GRM8: variants seen among roughly 807,000 people sequenced by gnomAD.
The protein encoded by GRM8 is glutamate metabotropic receptor 8, also known as metabotropic glutamate receptor 8.
A neutral mutation model predicts 87.2 loss-of-function variants in GRM8; 47 were observed. That is an observed-to-expected ratio of 0.54 (90% CI 0.43 to 0.69). GRM8 has a LOEUF of 0.69. GRM8 is among the 30% of genes least tolerant of loss of function. GRM8 has a pLI of 0.00. For synonymous variants in GRM8, 396 were observed against 404.5 expected (o/e 0.98, Z 0.25); for missense variants, 1,019 against 1,139.2 (o/e 0.89, Z 1.52).
intron 7 of GRM8, among the ~76,000 whole-genome samples, chr7:126,729,565 G>C (rs571419867): frequency 6.6e-6 from 1 of 152,254 alleles, no homozygotes; most frequent in East Asian, 1.9e-4. Context: ...CAGCACTGGG[G>C]AAGTAGCAAG....
In GRM8 at chr7:126,974,411, C is replaced by T. The variant is rs892037506; in HGVS notation, c.728-69728G>A. ...TTAGTTTGCTTCACTATAGTAAACA[C>T]CTTACTGTCTACATGTATCCCATAA... On this transcript the variant is annotated intron_variant, in intron 3 of 10. Coordinates refer to ENST00000339582, the MANE Select transcript of GRM8 (RefSeq NM_000845.3). 5.9e-5 allele frequency among the ~76,000 whole-genome samples: 9 copies of T among 152,110 alleles called. No homozygotes were observed. The East Asian group carries it at 1.5e-3, about 26-fold the overall frequency.
In GRM8 at chr7:126,906,373, T is replaced by C. The variant is rs568973957; in HGVS notation, c.728-1690A>G. The stretch of plus-strand genomic sequence containing the variant: ...CTCTGTCACCCAGGCTAGAGTGCAG[T>C]GGCCAGATCATAGTTCACTGTAGCC... On this transcript the variant is annotated intron_variant, in intron 3 of 10. Coordinates refer to ENST00000339582, the MANE Select transcript of GRM8 (RefSeq NM_000845.3). Among the ~76,000 whole-genome samples, 5 of 152,286 alleles carry C rather than the reference T, an allele frequency of 3.3e-5. No homozygotes were observed. The South Asian group carries it at 1.0e-3, about 32-fold the overall frequency.
At chr7:126,678,057 C>A (rs1218647476) in intron 7 of GRM8, among the ~76,000 whole-genome samples, 1 of 152,150 alleles carries the variant, frequency 6.6e-6, no homozygotes, top group Non-Finnish European at 1.5e-5. Context: ...TCGCTTAGTG[C>A]AGATCAATTA....
chr7:127,209,979 G>C (rs973755301), intron 2 of GRM8, among the ~76,000 whole-genome samples: 2 of 152,092 alleles, frequency 1.3e-5, no homozygotes, highest in African/African-American at 2.4e-5. Context: ...AACCTAGGAG[G>C]CTCTCGTGTC....
intron 2 of GRM8, among the ~76,000 whole-genome samples, chr7:127,117,189 C>T (rs543377809): frequency 6.6e-6 from 1 of 152,294 alleles, no homozygotes; most frequent in African/African-American, 2.4e-5. Context: ...CTTCTTTGTA[C>T]TCAGGCAGTG....
At chr7:127,108,458 A>G (rs1374233320) in intron 2 of GRM8, among the ~76,000 whole-genome samples, 1 of 152,156 alleles carries the variant, frequency 6.6e-6, no homozygotes, top group African/African-American at 2.4e-5. Flanking sequence ...TGTGGGGGGA[A>G]GGGAATAGGG....
intron 3 of GRM8, among the ~76,000 whole-genome samples, chr7:127,012,233 C>A (rs936563725): frequency 6.6e-6 from 1 of 152,072 alleles, no homozygotes; most frequent in African/African-American, 2.4e-5. Context: ...ATAACCCAGG[C>A]CTAGGTTTCC....
chr7:126,981,696 A>T (rs568544921), intron 3 of GRM8: 126 of 152,286 alleles, frequency 8.3e-4, no homozygotes, highest in African/African-American at 2.9e-3. Flanking sequence ...GGAGGGAAAA[A>T]ATATTTAAAC....
chr7:126,643,799 C>T (rs1035104148), intron 7 of GRM8, among the ~76,000 whole-genome samples: 1 of 152,214 alleles, frequency 6.6e-6, no homozygotes, highest in African/African-American at 2.4e-5. Context: ...GTATTCTTCC[C>T]TATGCTTCAA....
intron 3 of GRM8, among the ~76,000 whole-genome samples, chr7:126,911,336 C>T (rs575808598): frequency 6.6e-6 from 1 of 151,752 alleles, no homozygotes; most frequent in Admixed American, 6.6e-5. Context: ...TTCTCCCATC[C>T]CCCAGTTCCT....
intron 3 of GRM8, among the ~76,000 whole-genome samples, chr7:127,056,351 T>A (rs1819986677): frequency 6.6e-6 from 1 of 152,164 alleles, no homozygotes; most frequent in Admixed American, 6.5e-5. Flanking sequence ...AAACAGGCCA[T>A]AAACTGTAGA....
chr7:126,456,141 T>C (rs560487640), intron 9 of GRM8, among the ~76,000 whole-genome samples: 4 of 151,742 alleles, frequency 2.6e-5, no homozygotes, highest in South Asian at 4.2e-4. Flanking sequence ...CTTCTGAGAA[T>C]AACTATAAAA....
At chr7:126,752,568 A>G (rs1027619073) in intron 7 of GRM8, among the ~76,000 whole-genome samples, 1 of 152,136 alleles carries the variant, frequency 6.6e-6, no homozygotes, top group East Asian at 1.9e-4. Flanking sequence ...GAGAATAGCC[A>G]TAAGGATTTC....
At chr7:126,757,937 T>C (rs140912475) in intron 7 of GRM8, among the ~76,000 whole-genome samples, 13 of 152,194 alleles carry the variant, frequency 8.5e-5, no homozygotes, top group African/African-American at 3.1e-4. Context: ...AAGGTTCTAA[T>C]AAGAAATCAA....
chr7:126,707,637 G>A (rs905741285), intron 7 of GRM8, among the ~76,000 whole-genome samples: 1 of 152,060 alleles, frequency 6.6e-6, no homozygotes, highest in Admixed American at 6.6e-5. Flanking sequence ...ATGGTCAACT[G>A]ATACTCAACA....
chr7:126,496,826 T>C (rs2150671289), intron 9 of GRM8, among the ~76,000 whole-genome samples: 1 of 151,916 alleles, frequency 6.6e-6, no homozygotes, highest in African/African-American at 2.4e-5. Context: ...TCTCACATTG[T>C]TCCTCACAAA....
At chr7:126,594,042 G>T (rs776587826) in intron 8 of GRM8, among the ~76,000 whole-genome samples, 9 of 151,978 alleles carry the variant, frequency 5.9e-5, no homozygotes, top group Non-Finnish European at 1.3e-4. Flanking sequence ...AAACCATAAT[G>T]AGGTATCACT....
intron 6 of GRM8, among the ~76,000 whole-genome samples, chr7:126,783,805 A>G (rs1465000436): frequency 2.0e-5 from 3 of 152,176 alleles, no homozygotes; most frequent in African/African-American, 7.2e-5. Context: ...ATGTTGGTAC[A>G]ACAGATCCAA....
intron 2 of GRM8, among the ~76,000 whole-genome samples, chr7:127,147,928 G>A (rs1187863768): frequency 6.6e-6 from 1 of 151,966 alleles, no homozygotes; most frequent in Non-Finnish European, 1.5e-5. Context: ...ATCTACTATT[G>A]CCCATCTTCG....
Sources: gnomAD v4.1 joint callset for allele counts (sites outside exome capture counted in the v4.1 genomes callset) on GRCh38, gnomAD v4.1.1 for gene constraint, MANE v1.5 for transcripts, NCBI Gene and HGNC (gene_info 2026-07-23, HGNC 2026-07-21) for gene names.